Variants in SMARCC1 observed in about 807,000 individuals in gnomAD.
SMARCC1 encodes SWI/SNF related BAF chromatin remodeling complex subunit C1.
In SMARCC1, 43 loss-of-function variants were observed where a neutral mutation model predicts 147.4. The ratio of observed to expected loss-of-function variants is 0.29; its 90% confidence interval spans 0.23 to 0.38. The LOEUF is 0.38. Among genes scored for constraint, SMARCC1 ranks in the 10% least tolerant of loss-of-function variants. The pLI, the probability that SMARCC1 is intolerant of heterozygous loss-of-function variation, is 1.00. For missense variants in SMARCC1, 1,119 were observed against 1,381.1 expected (o/e 0.81, Z 3.01); for synonymous variants, 495 against 484.4 (o/e 1.02, Z -0.29).
chr3:47,602,020 C>T (rs1479235255), intron 26 of SMARCC1, among the ~76,000 whole-genome samples: 8 of 151,778 alleles, frequency 5.3e-5, no homozygotes, highest in African/African-American at 1.7e-4. Context: ...TTTTCTTTTT[C>T]GGTGTGGGGT....
chr3:47,621,020 G>C (rs894158087), intron 25 of SMARCC1, among the ~76,000 whole-genome samples: 1 of 151,994 alleles, frequency 6.6e-6, no homozygotes, highest in East Asian at 1.9e-4. Context: ...TAAATTGTTC[G>C]GCCGGGCATG....
intron 14 of SMARCC1, among the ~76,000 whole-genome samples, chr3:47,684,256 A>AG (rs1210236813): frequency 6.6e-6 from 1 of 151,678 alleles, no homozygotes; most frequent in Admixed American, 6.6e-5. Context: ...AAAAAAAAAA[A>AG]AAAGACAGTA....
intron 6 of SMARCC1, among the ~76,000 whole-genome samples, chr3:47,726,880 T>C (rs377625803): frequency 1.3e-5 from 2 of 152,262 alleles, no homozygotes; most frequent in African/African-American, 4.8e-5. Context: ...TTAGCATGTG[T>C]TAAAATTTCC....
chr3:47,654,249 A>C (rs1011783745), intron 21 of SMARCC1, among the ~76,000 whole-genome samples: 2 of 152,170 alleles, frequency 1.3e-5, no homozygotes, highest in African/African-American at 4.8e-5. Flanking sequence ...CAATACCAAA[A>C]ACATTTAGGA....
intron 19 of SMARCC1, among the ~76,000 whole-genome samples, chr3:47,666,309 T>C (rs2033419134): frequency 6.6e-6 from 1 of 152,232 alleles, no homozygotes; most frequent in African/African-American, 2.4e-5. Flanking sequence ...AACTCCTCTG[T>C]ACAGCTCTTG....
intron 1 of SMARCC1, among the ~76,000 whole-genome samples, chr3:47,776,180 C>G (rs962044697): frequency 6.6e-6 from 1 of 151,936 alleles, no homozygotes; most frequent in Non-Finnish European, 1.5e-5. Flanking sequence ...TCAAGTGTAT[C>G]TTACAAAACT....
chr3:47,761,440 T>C (rs2034771990), intron 2 of SMARCC1, among the ~76,000 whole-genome samples: 2 of 152,078 alleles, frequency 1.3e-5, no homozygotes, highest in Admixed American at 1.3e-4. Flanking sequence ...ATAGATTATA[T>C]GGTAAATAAT....
intron 5 of SMARCC1, among the ~76,000 whole-genome samples, chr3:47,732,267 T>C (rs1293187335): frequency 6.6e-6 from 1 of 152,142 alleles, no homozygotes; most frequent in Non-Finnish European, 1.5e-5. Flanking sequence ...TTGAAGAGAG[T>C]TAGGCCTTTG....
chr3:47,777,088 A>AT lies in SMARCC1; in HGVS notation c.196-4153dup, dbSNP rs1306337582. Among the ~76,000 whole-genome samples, 1,073 of 131,484 alleles carry AT rather than the reference A, an allele frequency of 8.2e-3. 9 individuals carry two copies. Among genetic ancestry groups the AT allele is most frequent in the African/African-American group, 0.02 (716 of 35,480 alleles). The allele number at this position is 131,484 out of a possible 152,430, so 86.3% of individuals were successfully genotyped here. On this transcript the variant is annotated intron_variant, in intron 1 of 27. Transcript: ENST00000254480. ...TACACCTGGCCTCAGGTAAATATTT[A>AT]TTTTTTTTTTTTTGAGAGAGTCTTG...
chr3:47,593,412 T>A (rs1359279140), intron 26 of SMARCC1, among the ~76,000 whole-genome samples: 4 of 151,990 alleles, frequency 2.6e-5, no homozygotes, highest in Non-Finnish European at 2.9e-5. Flanking sequence ...CCTCAAGTGA[T>A]CTGCCCGCCT....
intron 18 of SMARCC1, among the ~76,000 whole-genome samples, chr3:47,671,186 A>AAAAAAAAAAAAAAAAC (rs2033494333): frequency 6.9e-6 from 1 of 145,962 alleles, no homozygotes; most frequent in African/African-American, 2.5e-5. Flanking sequence ...AAAAAAAAAA[A>AAAAAAAAAAAAAAAAC]AAAAAAAAAA....
chr3:47,749,206 A>G (rs1433980887), intron 2 of SMARCC1, among the ~76,000 whole-genome samples: 1 of 152,090 alleles, frequency 6.6e-6, no homozygotes, highest in Admixed American at 6.6e-5. Flanking sequence ...TGGGAGGCTG[A>G]GGTGGGAGGA....
chr3:47,633,399 A>C (rs2032918941), intron 24 of SMARCC1, among the ~76,000 whole-genome samples: 1 of 152,028 alleles, frequency 6.6e-6, no homozygotes, highest in African/African-American at 2.4e-5. Context: ...AGGTTTGAAG[A>C]CTGAGGAAGG....
intron 26 of SMARCC1, among the ~76,000 whole-genome samples, chr3:47,608,333 C>T (rs929424941): frequency 3.3e-4 from 50 of 152,270 alleles, no homozygotes; most frequent in African/African-American, 1.1e-3. Context: ...GTGATCCGCC[C>T]GCCTCGGCCT....
intron 14 of SMARCC1, among the ~76,000 whole-genome samples, chr3:47,681,442 T>C (rs1313313469): frequency 6.6e-6 from 1 of 152,212 alleles, no homozygotes; most frequent in African/African-American, 2.4e-5. Context: ...TTTTATGACA[T>C]GTTACAGGTC....
rs2032072062 is a variant in SMARCC1, at chr3:47,586,420, G to A, written c.*1789C>T. ...AATGCATTGGAACTAAGCTCCAGTAGGAATAAACTCATTCTCATTTCCACT... is the reference window on the plus strand; with the variant it reads ...AATGCATTGGAACTAAGCTCCAGTAAGAATAAACTCATTCTCATTTCCACT... On this transcript the variant is annotated 3_prime_UTR_variant, in exon 28 of 28. Coordinates refer to ENST00000254480, the MANE Select transcript of SMARCC1 (RefSeq NM_003074.4). The A allele has an allele frequency of 6.6e-6, 1 of 152,314 alleles. No homozygotes were observed. Among genetic ancestry groups the A allele is most frequent in the Non-Finnish European group, 1.5e-5 (1 of 68,030 alleles). The allele number at this position is 152,314 out of a possible 1,614,324, so 9.4% of individuals were successfully genotyped here. A position where few individuals can be genotyped will look rare whatever the true frequency, so the allele number is the denominator to read the frequency against.
rs572723936 is a variant in SMARCC1, at chr3:47,585,475, T to C, written c.*2734A>G. 2.6e-5 allele frequency: 4 copies of C among 152,282 alleles called. No homozygotes were observed. The East Asian group carries it at 7.7e-4, about 29-fold the overall frequency. The allele number at this position is 152,282 out of a possible 1,614,324, so 9.4% of individuals were successfully genotyped here. A position where few individuals can be genotyped will look rare whatever the true frequency, so the allele number is the denominator to read the frequency against. ...TATAAGCATCCTGAAAACAATCACT[T>C]CTTTTTTTCTGCACAGGGTTTATAT... On this transcript the variant is annotated 3_prime_UTR_variant, in exon 28 of 28. Coordinates refer to ENST00000254480, the MANE Select transcript of SMARCC1 (RefSeq NM_003074.4).
chr3:47,605,762 G>C (rs749863845), intron 26 of SMARCC1, among the ~76,000 whole-genome samples: 1 of 152,112 alleles, frequency 6.6e-6, no homozygotes, highest in Admixed American at 6.5e-5. Context: ...GACAGAGTAA[G>C]GCCCTGTCTG....
At chr3:47,700,384 T>C (rs1028218850) in intron 11 of SMARCC1, among the ~76,000 whole-genome samples, 2 of 152,192 alleles carry the variant, frequency 1.3e-5, no homozygotes, top group Non-Finnish European at 2.9e-5. Flanking sequence ...AAAATGCCTA[T>C]CATAGGTCTT....
Sources: gnomAD v4.1 joint callset for allele counts (sites outside exome capture counted in the v4.1 genomes callset) on GRCh38, gnomAD v4.1.1 for gene constraint, MANE v1.5 for transcripts, NCBI Gene and HGNC (gene_info 2026-07-23, HGNC 2026-07-21) for gene names.